The following MTMR3 variants were observed in gnomAD, a reference collection of about 807,000 sequenced individuals.
The protein encoded by MTMR3 is myotubularin related protein 3, also known as phosphatidylinositol-3,5-bisphosphate 3-phosphatase MTMR3.
Under a neutral mutation model 132.4 loss-of-function variants are expected in MTMR3, and 32 were observed. That is an observed-to-expected ratio of 0.24 (90% CI 0.18 to 0.32). MTMR3 has a LOEUF of 0.32. MTMR3 is among the 10% of genes least tolerant of loss of function. MTMR3 has a pLI of 1.00. For synonymous variants in MTMR3, 556 were observed against 550.3 expected (o/e 1.01, Z -0.14); for missense variants, 1,216 against 1,489.6 (o/e 0.82, Z 3.02).
At chr22:29,933,739 T>TG (rs1329865363) in intron 1 of MTMR3, among the ~76,000 whole-genome samples, 2 of 151,306 alleles carry the variant, frequency 1.3e-5, no homozygotes, top group African/African-American at 4.9e-5. Flanking sequence ...CTGTGTTTTT[T>TG]TTTTTTTTTT....
In MTMR3 at chr22:30,022,037, C is replaced by A. The variant is rs1751150093; in HGVS notation, c.3234C>A (p.Ile1078=). 6.2e-7 allele frequency: 1 copy of A among 1,613,896 alleles called. No homozygotes were observed. Among genetic ancestry groups the A allele is most frequent in the African/African-American group, 1.3e-5 (1 of 75,052 alleles). ...NGDFGDEVTS[I]PDSESNLDQN... is the part of the protein sequence containing the mutation. The stretch of plus-strand genomic sequence containing the variant: ...TGTTTGTTTGCCAACAGACTTCAAT[C>A]CCCGACTCGGAAAGCAATCTGGATC... The change falls in exon 18 of 20, where the codon ATC becomes ATA. Residue 1078 remains isoleucine (I), a synonymous_variant. Transcript: ENST00000401950.
chr22:29,952,072 T>G (rs1372086820), intron 1 of MTMR3, among the ~76,000 whole-genome samples: 4 of 152,034 alleles, frequency 2.6e-5, no homozygotes, highest in Non-Finnish European at 4.4e-5. Flanking sequence ...TGGGTTTTTT[T>G]GTAGATGATG....
chr22:29,925,853 T>C (rs1347191102), intron 1 of MTMR3, among the ~76,000 whole-genome samples: 2 of 152,096 alleles, frequency 1.3e-5, no homozygotes, highest in East Asian at 3.9e-4. Context: ...ATGCGGAGGT[T>C]GCAATGAGCT....
intron 1 of MTMR3, among the ~76,000 whole-genome samples, chr22:29,907,517 A>G (rs546713161): frequency 5.4e-4 from 82 of 152,050 alleles, no homozygotes; most frequent in Non-Finnish European, 8.5e-4. Context: ...ACCGTCAGAG[A>G]ATCCTTGAGT....
chr22:30,012,762 GGGTAACAA>G, intron 13 of MTMR3, 199 bp downstream of exon 13: 1 of 512,404 alleles, frequency 2.0e-6, no homozygotes, highest in Non-Finnish European at 3.3e-6. Context: ...GGCAGATTAT[GGGTAACAA>G]GGTATTGAGA....
intron 15 of MTMR3, chr22:30,017,101 C>T: frequency 5.9e-6 from 1 of 168,436 alleles, no homozygotes; most frequent in Non-Finnish European, 1.3e-5. Flanking sequence ...AGCAATGATA[C>T]CCACCAAAGC....
At chr22:29,950,045 T>G (rs1184054486) in intron 1 of MTMR3, among the ~76,000 whole-genome samples, 1 of 152,186 alleles carries the variant, frequency 6.6e-6, no homozygotes, top group Non-Finnish European at 1.5e-5. Flanking sequence ...TGAATGAGTG[T>G]GCAAGAATTT....
chr22:29,966,720 G>GGTGTGT (rs1343013840), intron 2 of MTMR3, among the ~76,000 whole-genome samples: 1 of 116,178 alleles, frequency 8.6e-6, no homozygotes, highest in Admixed American at 8.7e-5. Flanking sequence ...GACCTGTAGG[G>GGTGTGT]GTGTGCGTGT....
At position 30,002,983 on chromosome 22, in the gene MTMR3, G is replaced by A. The variant is rs751533989; in HGVS notation, c.661G>A (p.Val221Ile). The change falls in exon 9 of 20, where the codon GTC becomes ATC. Residue 221 changes from valine to isoleucine, a missense_variant. By Grantham distance (29) the Val-to-Ile change is conservative. Around this residue, in one of 7 missense-constraint regions of MTMR3, gnomAD observed 129 missense variants for 245.7 expected, o/e 0.53. Transcript: ENST00000401950. ...SFRSWKRIPA[V>I]IYRHQSNGAV... Reference sequence around the variant, plus strand: ...CAGGTCCTGGAAGCGCATCCCTGCCGTCATCTACAGGTAAGTTAAACTGGA... The same window carrying A: ...CAGGTCCTGGAAGCGCATCCCTGCCATCATCTACAGGTAAGTTAAACTGGA... 92 of 1,613,466 alleles carry A rather than the reference G, an allele frequency of 5.7e-5. No individual in the cohort carries two copies. In the Admixed American group the frequency reaches 9.8e-4, roughly 17 times the overall value.
chr22:29,889,284 CTTT>C (rs71324792), intron 1 of MTMR3, among the ~76,000 whole-genome samples: 4 of 116,400 alleles, frequency 3.4e-5, no homozygotes, highest in Admixed American at 9.2e-5. Flanking sequence ...AGCTACGGAA[CTTT>C]TTTTTTTTTT....
intron 1 of MTMR3, among the ~76,000 whole-genome samples, chr22:29,926,011 C>T (rs1569007366): frequency 6.6e-6 from 1 of 152,172 alleles, no homozygotes; most frequent in Admixed American, 6.5e-5. Flanking sequence ...TTCAGAATCC[C>T]TAACAGAGAC....
intron 1 of MTMR3, among the ~76,000 whole-genome samples, chr22:29,903,544 T>C (rs57349783): frequency 0.037 from 5,599 of 151,786 alleles, 364 homozygotes; most frequent in African/African-American, 0.13. Context: ...CATGCCAACA[T>C]GCCTGGCTAA....
chr22:29,995,704 A>G (rs973428083), intron 7 of MTMR3: 6 of 152,238 alleles, frequency 3.9e-5, no homozygotes, highest in East Asian at 3.8e-4. Context: ...GGATATCACA[A>G]TGTATTTAAT....
chr22:29,955,997 C>T (rs1169753337), intron 1 of MTMR3, among the ~76,000 whole-genome samples: 1 of 152,086 alleles, frequency 6.6e-6, no homozygotes, highest in Non-Finnish European at 1.5e-5. Flanking sequence ...GGTGATCCAC[C>T]CACCTTGGCC....
intron 5 of MTMR3, chr22:29,987,139 G>T (rs1164443715): frequency 6.6e-6 from 1 of 152,182 alleles, no homozygotes; most frequent in African/African-American, 2.4e-5. Context: ...TAGTCCTAAG[G>T]TAGAAACTCC....
intron 2 of MTMR3, among the ~76,000 whole-genome samples, 193 bp from the exon 3 acceptor site, chr22:29,970,783 A>G (rs1477762886): frequency 6.6e-6 from 1 of 151,978 alleles, no homozygotes; most frequent in African/African-American, 2.4e-5. Flanking sequence ...GGAACTGTCA[A>G]ATTGGGATTT....
intron 3 of MTMR3, among the ~76,000 whole-genome samples, chr22:29,975,448 A>C (rs1001827410): frequency 6.6e-6 from 1 of 152,216 alleles, no homozygotes; most frequent in Non-Finnish European, 1.5e-5. Context: ...TTCGGCATTC[A>C]GTCCGTTACA....
At chr22:29,931,501 G>A (rs1051291356) in intron 1 of MTMR3, among the ~76,000 whole-genome samples, 4 of 152,080 alleles carry the variant, frequency 2.6e-5, no homozygotes, top group African/African-American at 7.2e-5. Flanking sequence ...TGCAACTTCC[G>A]CCTCCTGGGT....
intron 12 of MTMR3, chr22:30,010,204 C>T (rs921942163): frequency 2.0e-5 from 3 of 152,094 alleles, no homozygotes; most frequent in Non-Finnish European, 4.4e-5. Flanking sequence ...GGAGATCGGC[C>T]GCGAACTGTG....
Sources: allele counts gnomAD v4.1 joint callset (sites outside exome capture counted in the v4.1 genomes callset), GRCh38; gene constraint gnomAD v4.1.1; regional missense constraint gnomAD v4.1.1; transcripts MANE v1.5; gene names NCBI Gene and HGNC (gene_info 2026-07-23, HGNC 2026-07-21).